Variants in PCDHA1 observed in about 807,000 individuals in gnomAD.
The protein encoded by PCDHA1 is protocadherin alpha-1.
Under a neutral mutation model 61.3 loss-of-function variants are expected in PCDHA1, and 42 were observed. The observed-to-expected ratio is 0.69, with a 90% CI of 0.54 to 0.89. The LOEUF is 0.89. Ranked by LOEUF, PCDHA1 falls within the 40% of genes least tolerant of loss-of-function variation. The pLI is 0.00. For missense variants in PCDHA1, 1,256 were observed against 1,235.3 expected, an observed-to-expected ratio of 1.02 and a Z score of -0.25; for synonymous variants, 610 against 553.8, an observed-to-expected ratio of 1.10 and a Z score of -1.43.
chr5:140,838,076 TAGTGTGTG>T (rs1775469130), intron 1 of PCDHA1, among the ~76,000 whole-genome samples: 2 of 31,122 alleles, frequency 6.4e-5, no homozygotes, highest in Admixed American at 3.1e-4. Flanking sequence ...TATATATATA[TAGTGTGTG>T]TGTGTGTGTG....
At chr5:140,995,999 G>A (rs1489207802) in intron 3 of PCDHA1, among the ~76,000 whole-genome samples, 3 of 152,198 alleles carry the variant, frequency 2.0e-5, no homozygotes, top group Admixed American at 6.5e-5. Context: ...CAAAAATGTC[G>A]TCAGAACTAT....
In PCDHA1 at chr5:140,808,721, G is replaced by A. The variant is rs1348144933; in HGVS notation, c.2394+20037G>A. 6.8e-6 allele frequency: 11 copies of A among 1,612,098 alleles called. No individual in the cohort carries two copies. In the African/African-American group the frequency reaches 1.3e-4, roughly 20 times the overall value. ...GCTGTCGAGCTACGTTTCGGTGCAT[G>A]CGGAGAGCGGCAAGGTGTACGCGCT... On this transcript the variant is annotated intron_variant, in intron 1 of 3. Transcript: ENST00000504120.
intron 1 of PCDHA1, chr5:140,856,192 G>A (rs782508103): frequency 1.9e-6 from 3 of 1,598,180 alleles, no homozygotes; most frequent in Non-Finnish European, 1.7e-6. Context: ...GCCGCATCGC[G>A]CAGGACCTGG....
chr5:140,997,559 T>C (rs550494855), intron 3 of PCDHA1, among the ~76,000 whole-genome samples: 9 of 152,148 alleles, frequency 5.9e-5, no homozygotes, highest in Non-Finnish European at 1.3e-4. Context: ...ACAGGACAAC[T>C]GTCATATGTG....
intron 1 of PCDHA1, chr5:140,822,214 C>T: frequency 6.2e-7 from 1 of 1,614,218 alleles, no homozygotes. Context: ...GTCAAGAATG[C>T]CAGATTCGCG....
intron 1 of PCDHA1, chr5:140,813,180 C>T (rs1554126135): frequency 6.6e-6 from 1 of 152,106 alleles, no homozygotes; most frequent in African/African-American, 2.4e-5. Flanking sequence ...TGTTCAAGTC[C>T]TCTGCTTCCT....
chr5:140,805,079 A>C (rs1163848417), intron 1 of PCDHA1: 9 of 1,593,694 alleles, frequency 5.6e-6, no homozygotes, highest in Middle Eastern at 1.6e-4. Flanking sequence ...TTCAATCTTC[A>C]AATCCAGCTT....
At chr5:140,965,061 G>A (rs76085486) in intron 1 of PCDHA1, among the ~76,000 whole-genome samples, 2,501 of 152,286 alleles carry the variant, frequency 0.016, 68 homozygotes, top group African/African-American at 0.056. Context: ...CATGCCAAAT[G>A]TCAGGTCTCA....
chr5:140,801,061 C>T (rs887998358), intron 1 of PCDHA1: 5 of 1,453,574 alleles, frequency 3.4e-6, no homozygotes, highest in Non-Finnish European at 4.5e-6. Flanking sequence ...GCGTGCATTA[C>T]GTATTCAGAT....
chr5:140,930,917 G>A (rs528997377), intron 1 of PCDHA1, among the ~76,000 whole-genome samples: 3 of 152,272 alleles, frequency 2.0e-5, no homozygotes, highest in African/African-American at 7.2e-5. Context: ...TACTTTAGAT[G>A]TGTATATGTG....
chr5:140,947,668 T>A (rs2094160892), intron 1 of PCDHA1, among the ~76,000 whole-genome samples: 1 of 151,602 alleles, frequency 6.6e-6, no homozygotes, highest in Admixed American at 6.6e-5. Flanking sequence ...TACTTGGGTC[T>A]TTAAAAAATT....
Position 140,787,398 on chromosome 5 carries a change from G to T in PCDHA1, c.1108G>T (p.Ala370Ser). The T allele has an allele frequency of 6.2e-7, 1 of 1,614,178 alleles. No individual in the cohort carries two copies. Among genetic ancestry groups the T allele is most frequent in the South Asian group, 1.1e-5 (1 of 91,084 alleles). ...GGACGCTCCACTCAGCACCGTCATCGCCCTCATCACCGTGTCTGACCGTGA... is the reference window on the plus strand; with the variant it reads ...GGACGCTCCACTCAGCACCGTCATCTCCCTCATCACCGTGTCTGACCGTGA... ...REDAPLSTVI[A>S]LITVSDRDSG... The change falls in exon 1 of 4, where the codon GCC becomes TCC. Residue 370 changes from alanine to serine, a missense_variant. Physicochemically the swap from Ala to Ser is moderately conservative, Grantham distance 99 (BLOSUM62 1). Coordinates refer to ENST00000504120, the MANE Select transcript of PCDHA1 (RefSeq NM_018900.4).
In PCDHA1 at chr5:140,982,523, G is replaced by A; in HGVS notation, c.2502G>A (p.Gly834=). Residue 834 remains glycine (G), a synonymous_variant, in exon 3 of 4, where the codon GGG becomes GGA. Coordinates refer to ENST00000504120, the MANE Select transcript of PCDHA1 (RefSeq NM_018900.4). ...EAGILRAGPG[G]PDQQWPTVSS... ...GCATTCTACGGGCTGGTCCAGGAGGGCCTGATCAGCAGTGGCCAACAGTAT... is the reference window on the plus strand; with the variant it reads ...GCATTCTACGGGCTGGTCCAGGAGGACCTGATCAGCAGTGGCCAACAGTAT... 6.2e-7 allele frequency: 1 copy of A among 1,614,220 alleles called. No individual in the cohort carries two copies. The highest frequency in any genetic ancestry group is 8.5e-7 in the Non-Finnish European group (1 of 1,180,034).
chr5:140,822,002 T>G, intron 1 of PCDHA1: 1 of 1,614,048 alleles, frequency 6.2e-7, no homozygotes, highest in Non-Finnish European at 8.5e-7. Context: ...CTTCTGGAGG[T>G]AAATCTGCAG....
At chr5:140,928,625 A>C in intron 1 of PCDHA1, 1 of 1,614,224 alleles carries the variant, frequency 6.2e-7, no homozygotes, top group Non-Finnish European at 8.5e-7. Flanking sequence ...AGGACTGGAC[A>C]CTTGGTCACA....
intron 1 of PCDHA1, among the ~76,000 whole-genome samples, chr5:140,913,854 A>G: frequency 6.6e-6 from 1 of 152,128 alleles, no homozygotes; most frequent in Middle Eastern, 3.2e-3. Context: ...ATTCAGGAGC[A>G]TATTGTTTAA....
intron 1 of PCDHA1, chr5:140,884,364 A>G: frequency 1.2e-6 from 2 of 1,613,884 alleles, no homozygotes; most frequent in Non-Finnish European, 1.7e-6. Flanking sequence ...GTCAATGTTT[A>G]CTTGATCATT....
chr5:140,894,584 T>G (rs1554186162), intron 1 of PCDHA1, among the ~76,000 whole-genome samples: 1 of 152,006 alleles, frequency 6.6e-6, no homozygotes, highest in Non-Finnish European at 1.5e-5. Flanking sequence ...TTTTAATATT[T>G]TACTGAGTTT....
At chr5:140,875,241 A>G (rs1176870557) in intron 1 of PCDHA1, 27 of 935,126 alleles carry the variant, frequency 2.9e-5, no homozygotes, top group Non-Finnish European at 3.8e-5. Context: ...TTGTACTTAC[A>G]TAATCAGTCA....
Sources: allele counts gnomAD v4.1 joint callset (sites outside exome capture counted in the v4.1 genomes callset), GRCh38; gene constraint gnomAD v4.1.1; transcripts MANE v1.5; gene names NCBI Gene and HGNC (gene_info 2026-07-23, HGNC 2026-07-21).